Variants in GTF2I observed in about 807,000 individuals in gnomAD.
GTF2I encodes general transcription factor II-I.
A neutral mutation model predicts 67.6 loss-of-function variants in GTF2I; 12 were observed. That is an observed-to-expected ratio of 0.18 (90% CI 0.11 to 0.29). The LOEUF (loss-of-function observed/expected upper bound fraction) is 0.29. Among genes scored for constraint, GTF2I ranks in the 10% least tolerant of loss-of-function variants. The pLI, the probability that GTF2I is intolerant of heterozygous loss-of-function variation, is 1.00. For missense variants in GTF2I, 271 were observed against 580.1 expected (o/e 0.47, Z 5.47); for synonymous variants, 149 against 197.0 (o/e 0.76, Z 2.04).
chr7:74,660,039 T>G (rs1181994766), intron 1 of GTF2I, among the ~76,000 whole-genome samples: 1 of 152,184 alleles, frequency 6.6e-6, no homozygotes, highest in Non-Finnish European at 1.5e-5. Context: ...TTTTATTTCC[T>G]GCTACAGGAT....
intron 1 of GTF2I, among the ~76,000 whole-genome samples, chr7:74,664,517 C>T (rs1270471145): frequency 6.6e-6 from 1 of 151,996 alleles, no homozygotes; most frequent in Non-Finnish European, 1.5e-5. Flanking sequence ...CACTGCAACT[C>T]TCGCCTCCCA....
chr7:74,705,178 G>T lies in GTF2I; in HGVS notation c.601G>T (p.Val201Leu). The change falls in exon 7 of 35, where the codon GTA becomes TTA. Residue 201 changes from valine (V) to leucine (L), a missense_variant. Physicochemically the swap from Val to Leu is conservative, Grantham distance 32 (BLOSUM62 1). This residue lies in a region of GTF2I where 124 missense variants were observed against 147.0 expected (regional missense o/e 0.84). Transcript: ENST00000573035. ...TTTGTATGTAGGTGGTCGTGTGATG[G>T]TAACAGATGCTGACAGGTCAATACT... Reference protein sequence around the residue: ...PKKHVGGRVMVTDADRSILSP... With the variant: ...PKKHVGGRVMLTDADRSILSP... The T allele has an allele frequency of 6.2e-7, 1 of 1,604,214 alleles. No homozygotes were observed. The highest frequency in any genetic ancestry group is 8.5e-7 in the Non-Finnish European group (1 of 1,172,102).
At chr7:74,726,834 C>CAGATAGATAGATAGATAGAT (rs57656763) in intron 12 of GTF2I, 1 of 137,408 alleles carries the variant, frequency 7.3e-6, no homozygotes, top group African/African-American at 2.8e-5. Flanking sequence ...ACCCTCCCGA[C>CAGATAGATAGATAGATAGAT]AGATAGATAG....
At chr7:74,715,204 G>A (rs1554403403) in intron 10 of GTF2I, among the ~76,000 whole-genome samples, 1 of 152,026 alleles carries the variant, frequency 6.6e-6, no homozygotes, top group Non-Finnish European at 1.5e-5. Context: ...AGAACAGTCA[G>A]AAGCCAGGTT....
At chr7:74,705,882 T>C (rs1342307340) in intron 7 of GTF2I, among the ~76,000 whole-genome samples, 15 of 150,218 alleles carry the variant, frequency 1.0e-4, no homozygotes, top group African/African-American at 3.4e-4. Flanking sequence ...CTTAATATGC[T>C]ACTCTGTAGT....
At chr7:74,665,169 T>C (rs587620720) in intron 1 of GTF2I, among the ~76,000 whole-genome samples, 1 of 152,002 alleles carries the variant, frequency 6.6e-6, no homozygotes, top group East Asian at 1.9e-4. Flanking sequence ...CTCGAACTCC[T>C]GACCTCAGGT....
chr7:74,711,007 C>G, intron 8 of GTF2I, 25 bp from the exon 9 acceptor site: 26 of 1,214,134 alleles, frequency 2.1e-5, no homozygotes, highest in Non-Finnish European at 3.0e-5. Context: ...CACATGCAAT[C>G]ATATCATTGC....
At chr7:74,682,013 G>A (rs1249665453) in intron 1 of GTF2I, among the ~76,000 whole-genome samples, 7 of 152,156 alleles carry the variant, frequency 4.6e-5, no homozygotes, top group African/African-American at 1.7e-4. Context: ...TGTCAGGTCT[G>A]CCTTAGGGAG....
intron 9 of GTF2I, among the ~76,000 whole-genome samples, chr7:74,712,337 AAAC>A (rs2131403769): frequency 6.6e-6 from 1 of 152,238 alleles, no homozygotes; most frequent in East Asian, 1.9e-4. Flanking sequence ...TCCCTCCAAG[AAAC>A]AACGTGTAAC....
intron 14 of GTF2I, among the ~76,000 whole-genome samples, chr7:74,731,697 AC>A (rs1279621666): frequency 1.3e-5 from 2 of 150,192 alleles, no homozygotes; most frequent in Admixed American, 6.6e-5. Context: ...GGTGCCCGCC[AC>A]CATGCCCAGC....
At chr7:74,727,299 C>A (rs1171977654) in intron 12 of GTF2I, 1 of 152,216 alleles carries the variant, frequency 6.6e-6, no homozygotes, top group Non-Finnish European at 1.5e-5. Flanking sequence ...AGCATTTTCA[C>A]CTTCCCTTAA....
chr7:74,709,940 T>C (rs1478820677), intron 8 of GTF2I, among the ~76,000 whole-genome samples: 12 of 152,212 alleles, frequency 7.9e-5, no homozygotes, highest in African/African-American at 2.9e-4. Flanking sequence ...CCCAAAGTGC[T>C]GGGATTACAG....
chr7:74,732,235 G>C (rs1345006573), intron 14 of GTF2I, among the ~76,000 whole-genome samples: 3 of 151,156 alleles, frequency 2.0e-5, no homozygotes, highest in Non-Finnish European at 4.4e-5. Flanking sequence ...TTAGCTGGGC[G>C]TGGTGGCGGG....
chr7:74,676,465 A>G (rs1805916427), intron 1 of GTF2I, among the ~76,000 whole-genome samples: 1 of 152,132 alleles, frequency 6.6e-6, no homozygotes, highest in Admixed American at 6.6e-5. Flanking sequence ...AAACAAACAA[A>G]CAAACAAACC....
chr7:74,725,738 T>C (rs782801079), intron 12 of GTF2I, among the ~76,000 whole-genome samples: 6 of 152,146 alleles, frequency 3.9e-5, no homozygotes, highest in Non-Finnish European at 7.4e-5. Flanking sequence ...GATTGAACTT[T>C]ATTATTTGTC....
intron 1 of GTF2I, among the ~76,000 whole-genome samples, chr7:74,680,840 A>G (rs925950448): frequency 1.3e-5 from 2 of 152,198 alleles, no homozygotes; most frequent in Admixed American, 6.6e-5. Flanking sequence ...ATTTTATGGA[A>G]TTAGTTATTG....
intron 12 of GTF2I, among the ~76,000 whole-genome samples, chr7:74,721,623 A>G (rs1374905916): frequency 6.6e-6 from 1 of 152,100 alleles, no homozygotes; most frequent in Non-Finnish European, 1.5e-5. Flanking sequence ...AAACTGTCTC[A>G]ATATTAACAA....
intron 1 of GTF2I, among the ~76,000 whole-genome samples, chr7:74,666,084 C>T (rs1804945121): frequency 6.6e-6 from 1 of 152,190 alleles, no homozygotes; most frequent in African/African-American, 2.4e-5. Context: ...CTCAGGTGAT[C>T]TGCCCATCTC....
chr7:74,676,327 A>G (rs1317221394), intron 1 of GTF2I, among the ~76,000 whole-genome samples: 1 of 152,168 alleles, frequency 6.6e-6, no homozygotes, highest in African/African-American at 2.4e-5. Flanking sequence ...TTAAAAACAC[A>G]GCTCCTATAG....
Sources: allele counts gnomAD v4.1 joint callset (sites outside exome capture counted in the v4.1 genomes callset), GRCh38; gene constraint gnomAD v4.1.1; regional missense constraint gnomAD v4.1.1; transcripts MANE v1.5; gene names NCBI Gene and HGNC (gene_info 2026-07-23, HGNC 2026-07-21).